Variants in IGDCC4 observed in about 807,000 individuals in gnomAD.
IGDCC4 encodes the protein likely ortholog of mouse neighbor of Punc E11.
In IGDCC4, 72 loss-of-function variants were observed where a neutral mutation model predicts 116.6. That is an observed-to-expected ratio of 0.62 (90% confidence interval 0.51 to 0.75). The LOEUF is 0.75. Ranked by LOEUF, IGDCC4 falls within the 30% of genes least tolerant of loss-of-function variation. The pLI is 0.00. For missense variants in IGDCC4, 1,501 were observed against 1,662.4 expected, an observed-to-expected ratio of 0.90 and a Z score of 1.69; for synonymous variants, 709 against 719.9, an observed-to-expected ratio of 0.98 and a Z score of 0.24.
At chr15:65,420,784 G>C (rs767626919) in intron 1 of IGDCC4, among the ~76,000 whole-genome samples, 6 of 152,040 alleles carry the variant, frequency 3.9e-5, no homozygotes, top group Non-Finnish European at 7.4e-5. Context: ...ACTCCATGTC[G>C]AGCTCTACTA....
At chr15:65,410,156 C>T (rs776625671) in intron 3 of IGDCC4, 22 bp downstream of exon 3, 25 of 1,611,000 alleles carry the variant, frequency 1.6e-5, no homozygotes, top group East Asian at 2.2e-5. Flanking sequence ...TACCAGGACC[C>T]GCTCCCCTAC....
chr15:65,410,778 A>T (rs2063083463), intron 2 of IGDCC4: 2 of 549,634 alleles, frequency 3.6e-6, no homozygotes, highest in Non-Finnish European at 6.4e-6. Context: ...AGACTCTAGG[A>T]CTCAAAGGGA....
At position 65,388,806 on chromosome 15, in the gene IGDCC4, AC is replaced by A; in HGVS notation, c.2707+1del. The A allele has an allele frequency of 6.2e-7, 1 of 1,613,886 alleles. No homozygotes were observed. Among genetic ancestry groups the A allele is most frequent in the South Asian group, 1.1e-5 (1 of 91,074 alleles). On this transcript the variant is annotated splice_donor_variant, in intron 15 of 19. Transcript: ENST00000352385. LOFTEE classifies it high-confidence loss of function. ...CAGATGCCCTGGGGCAGGAGCCCTC[AC>A]CCTGCGTGGTGAGCAAGGTCCACTG...
chr15:65,400,702 CGTGA>C (rs2062975907), intron 5 of IGDCC4, 100 bp downstream of exon 5: 2 of 1,403,218 alleles, frequency 1.4e-6, no homozygotes, highest in East Asian at 4.7e-5. Context: ...CCAGAAGGTT[CGTGA>C]CCACTGGGTC....
chr15:65,416,003 T>C lies in IGDCC4; in HGVS notation c.71-4633A>G, dbSNP rs74933709. Among the ~76,000 whole-genome samples the C allele has an allele frequency of 3.5e-3, 538 of 152,296 alleles. 1 individual carries two copies. The highest frequency in any genetic ancestry group is 0.013 in the African/African-American group (525 of 41,550). ...TGCATGACCTTGTGTGAGCTACTTT[T>C]GTCCTTTCAGCCTCAGTTTCCCCAA... is the stretch of plus-strand genomic sequence containing the variant. On this transcript the variant is annotated intron_variant, in intron 1 of 19. Coordinates refer to ENST00000352385, the MANE Select transcript of IGDCC4 (RefSeq NM_020962.3).
In IGDCC4 at chr15:65,392,224, G is replaced by A. The variant is rs757913847; in HGVS notation, c.2032C>T (p.Arg678Cys). Residue 678 changes from arginine to cysteine, a missense_variant, in exon 11 of 20, where the codon CGC becomes TGC. Coordinates refer to ENST00000352385, the MANE Select transcript of IGDCC4 (RefSeq NM_020962.3). Reference sequence around the variant, plus strand: ...TGGTCTCCACGGCCCCCTGGCAGGCGATCGCCATTGGCCTCCTCCTCAGCC... The same window carrying A: ...TGGTCTCCACGGCCCCCTGGCAGGCAATCGCCATTGGCCTCCTCCTCAGCC... ...VGAEEEANGD[R>C]LPGGRGDQAW... The A allele has an allele frequency of 1.5e-5, 24 of 1,613,824 alleles. No homozygotes were observed. Among genetic ancestry groups the A allele is most frequent in the Middle Eastern group, 3.3e-4 (2 of 6,062 alleles).
Position 65,396,045 on chromosome 15 carries a change from C to G in IGDCC4, c.1116G>C (p.Gly372=). 1.4e-6 allele frequency: 2 copies of G among 1,449,286 alleles called. No individual in the cohort carries two copies. The highest frequency in any genetic ancestry group is 1.8e-6 in the Non-Finnish European group (2 of 1,105,896). 89.8% of individuals were successfully genotyped at this position (1,449,286 alleles called of 1,614,324 possible). A position where few individuals can be genotyped will look rare whatever the true frequency, so the allele number is the denominator to read the frequency against. ...PRPALRWLHN[G]APLRPNGRVK... is the part of the protein sequence containing the mutation. The stretch of plus-strand genomic sequence containing the variant: ...CGCGCCCGTTGGGCCGCAGCGGCGC[C>G]CCGTTGTGCAGCCAGCGCAGCGCTG... The change falls in exon 7 of 20, where the codon GGG becomes GGC. Residue 372 remains glycine, a synonymous_variant. Transcript: ENST00000352385.
intron 1 of IGDCC4, among the ~76,000 whole-genome samples, chr15:65,421,201 G>C (rs919998): frequency 0.2 from 31,043 of 152,140 alleles, 3,604 homozygotes; most frequent in African/African-American, 0.31. Flanking sequence ...AGGGAAGCTG[G>C]GTCCCTCGCG....
intron 1 of IGDCC4, among the ~76,000 whole-genome samples, chr15:65,421,204 C>T (rs2063186702): frequency 6.6e-6 from 1 of 152,218 alleles, no homozygotes; most frequent in Admixed American, 6.5e-5. Context: ...GAAGCTGGGT[C>T]CCTCGCGGCA....
At chr15:65,414,077 T>A (rs377735206) in intron 1 of IGDCC4, among the ~76,000 whole-genome samples, 2 of 152,168 alleles carry the variant, frequency 1.3e-5, no homozygotes, top group Non-Finnish European at 2.9e-5. Context: ...GCCACACTCA[T>A]CAACACTTGG....
intron 16 of IGDCC4, among the ~76,000 whole-genome samples, chr15:65,387,081 C>T (rs1034787699): frequency 1.3e-5 from 2 of 152,158 alleles, no homozygotes; most frequent in Non-Finnish European, 2.9e-5. Flanking sequence ...GGCCGGAGTG[C>T]AGTGGCATGA....
intron 1 of IGDCC4, among the ~76,000 whole-genome samples, chr15:65,422,445 C>T (rs1174848841): frequency 2.0e-5 from 3 of 151,522 alleles, no homozygotes; most frequent in Admixed American, 6.6e-5. Flanking sequence ...AAGCCACCGA[C>T]ACCGCAGCTA....
chr15:65,403,645 G>A (rs591980), intron 3 of IGDCC4, among the ~76,000 whole-genome samples: 80,401 of 151,868 alleles, frequency 0.53, 22,470 homozygotes, highest in East Asian at 0.8. Context: ...GTCTTCTGGT[G>A]CCAAATGTCA....
intron 2 of IGDCC4, 122 bp downstream of exon 2, chr15:65,410,898 C>T (rs2140232622): frequency 1.4e-6 from 1 of 717,432 alleles, no homozygotes; most frequent in East Asian, 2.7e-5. Flanking sequence ...GGATGGGAGG[C>T]AGGGAAAGGG....
rs762111488 is a variant in IGDCC4 at position 65,395,940 on chromosome 15, A to C, written c.1221T>G (p.Ala407=). Residue 407 remains alanine (A), a synonymous_variant, in exon 7 of 20, where the codon GCT becomes GCG. Transcript: ENST00000352385. ...CGCACGCCATTCCCGCGCTGTTCTC[A>C]GCCACGCACTGGTAGTAGCCGGCGT... ...LQDAGYYQCV[A]ENSAGMACAA... is the part of the protein sequence containing the mutation. 4.5e-5 allele frequency: 71 copies of C among 1,590,416 alleles called. No homozygotes were observed. The highest frequency in any genetic ancestry group is 6.0e-5 in the Non-Finnish European group (70 of 1,175,624).
rs543125982 is a variant in IGDCC4 at position 65,418,328 on chromosome 15, T to C, written c.70+4465A>G. Among the ~76,000 whole-genome samples, 141 of 151,972 alleles carry C rather than the reference T, an allele frequency of 9.3e-4. 5 individuals carry two copies. In the South Asian group the frequency reaches 0.02, roughly 22 times the overall value. On this transcript the variant is annotated intron_variant, in intron 1 of 19. Coordinates refer to ENST00000352385, the MANE Select transcript of IGDCC4 (RefSeq NM_020962.3). ...CTGTTCTCTTGCTGTATGGCTCATA[T>C]GGTTAAAAAATTTATTTCTCTTGTG...
At chr15:65,396,276 A>C in intron 6 of IGDCC4, 113 bp from the exon 7 acceptor site, 5 of 1,061,292 alleles carry the variant, frequency 4.7e-6, no homozygotes, top group Admixed American at 2.4e-5. Flanking sequence ...CCTTCCAATC[A>C]CTTTAACCTC....
At chr15:65,402,600 G>T in intron 3 of IGDCC4, 113 bp from the exon 4 acceptor site, 12 of 1,357,428 alleles carry the variant, frequency 8.8e-6, no homozygotes, top group Non-Finnish European at 1.2e-5. Context: ...TGGGCGCAGT[G>T]GCTCACGCCT....
chr15:65,401,777 G>A (rs1045595136), intron 4 of IGDCC4, among the ~76,000 whole-genome samples: 3 of 152,192 alleles, frequency 2.0e-5, no homozygotes, highest in Non-Finnish European at 2.9e-5. Context: ...GGAGCCCAGG[G>A]TCATGCAGAT....
Sources: gnomAD v4.1 joint callset for allele counts (sites outside exome capture counted in the v4.1 genomes callset) on GRCh38, gnomAD v4.1.1 for gene constraint, MANE v1.5 for transcripts, NCBI Gene and HGNC (gene_info 2026-07-23, HGNC 2026-07-21) for gene names.